Variants in PLEKHG7 observed in about 807,000 individuals in gnomAD.
PLEKHG7 encodes pleckstrin homology domain-containing family G member 7.
In PLEKHG7, 77 loss-of-function variants were observed where a neutral mutation model predicts 85.2. The observed-to-expected ratio is 0.90, with a 90% CI of 0.75 to 1.09. The LOEUF (loss-of-function observed/expected upper bound fraction) is 1.09. Ranked by LOEUF, PLEKHG7 falls within the 50% of genes least tolerant of loss-of-function variation. The probability of loss-of-function intolerance (pLI) is 0.00; values close to 1 mark genes in which losing one functional copy is unlikely to be tolerated. For synonymous variants in PLEKHG7, 301 were observed against 302.4 expected, an observed-to-expected ratio of 1.00 and a Z score of 0.05; for missense variants, 777 against 804.3, an observed-to-expected ratio of 0.97 and a Z score of 0.41.
chr12:92,769,979 T>G, intron 16 of PLEKHG7, 109 bp from the exon 17 acceptor site: 1 of 679,836 alleles, frequency 1.5e-6, no homozygotes, highest in Non-Finnish European at 2.5e-6. Context: ...TCTTCAGTTT[T>G]AAAGAGCTGG....
chr12:92,737,701 GAA>G (rs1459760596), intron 7 of PLEKHG7, among the ~76,000 whole-genome samples, 180 bp downstream of exon 7: 2 of 141,970 alleles, frequency 1.4e-5, no homozygotes, highest in African/African-American at 5.2e-5. Flanking sequence ...GAAAAAGAGA[GAA>G]AGAGAAGAAG....
chr12:92,734,726 G>A (rs902606653), intron 5 of PLEKHG7, among the ~76,000 whole-genome samples: 1 of 152,088 alleles, frequency 6.6e-6, no homozygotes, highest in African/African-American at 2.4e-5. Context: ...TCATTGATTT[G>A]TCAACCACTC....
At chr12:92,716,347 C>T (rs1012629484) in intron 3 of PLEKHG7, among the ~76,000 whole-genome samples, 1 of 152,192 alleles carries the variant, frequency 6.6e-6, no homozygotes, top group African/African-American at 2.4e-5. Flanking sequence ...GTCCACCCTC[C>T]TTGGCCTCCC....
At position 92,769,111 on chromosome 12, in the gene PLEKHG7, T is replaced by A. The variant is rs768014285; in HGVS notation, c.1968+31T>A. ...TATTTTAATTTTGTAGGTCTTTGAT[T>A]CTTCAGAGTTTACATAAGCTCCCCC... On this transcript the variant is annotated intron_variant, in intron 16 of 16. Transcript: ENST00000344636. The A allele has an allele frequency of 1.5e-5, 22 of 1,454,268 alleles. 1 individual carries two copies. Among genetic ancestry groups the A allele is most frequent in the Non-Finnish European group, 2.0e-5 (21 of 1,047,800 alleles). 90.1% of individuals were successfully genotyped at this position (1,454,268 alleles called of 1,614,324 possible).
intron 16 of PLEKHG7, 21 bp from the exon 17 acceptor site, chr12:92,770,066 AT>A (rs754341655): frequency 1.4e-5 from 21 of 1,463,574 alleles, no homozygotes; most frequent in Non-Finnish European, 1.9e-5. Flanking sequence ...CTATTTATGT[AT>A]TTTTTTCTTT....
At chr12:92,764,804 A>G (rs879261048) in intron 15 of PLEKHG7, among the ~76,000 whole-genome samples, 5 of 152,192 alleles carry the variant, frequency 3.3e-5, no homozygotes, top group Non-Finnish European at 7.3e-5. Flanking sequence ...AAGATGAATA[A>G]GAAACAGCCG....
intron 3 of PLEKHG7, among the ~76,000 whole-genome samples, chr12:92,719,001 G>A (rs1046011165): frequency 3.3e-5 from 5 of 152,110 alleles, no homozygotes; most frequent in African/African-American, 9.7e-5. Flanking sequence ...ATGAGAAATC[G>A]CCATCATAGT....
At position 92,741,485 on chromosome 12, in the gene PLEKHG7, C is replaced by T. The variant is rs1218250999; in HGVS notation, c.1036-6C>T. On this transcript the variant is annotated splice_region_variant and splice_polypyrimidine_tract_variant and intron_variant, in intron 8 of 16. Transcript: ENST00000344636. Reference sequence around the variant, plus strand: ...CTATTTTTGTTTTCTTTCTCTCTGTCCCTAGACAAGCCTTGGTTTTGTGAA... The same window carrying T: ...CTATTTTTGTTTTCTTTCTCTCTGTTCCTAGACAAGCCTTGGTTTTGTGAA... The T allele has an allele frequency of 6.2e-7, 1 of 1,602,092 alleles. No individual in the cohort carries two copies. Among genetic ancestry groups the T allele is most frequent in the Non-Finnish European group, 8.5e-7 (1 of 1,173,888 alleles).
intron 5 of PLEKHG7, among the ~76,000 whole-genome samples, chr12:92,734,214 A>G (rs547168373): frequency 1.3e-5 from 2 of 152,146 alleles, no homozygotes; most frequent in Non-Finnish European, 2.9e-5. Context: ...CAATATAACA[A>G]ACATACTTCT....
At chr12:92,733,679 C>A (rs903676822) in intron 5 of PLEKHG7, among the ~76,000 whole-genome samples, 1 of 152,118 alleles carries the variant, frequency 6.6e-6, no homozygotes, top group Non-Finnish European at 1.5e-5. Flanking sequence ...CATCTCCCCC[C>A]TAGCCCTCCC....
chr12:92,754,365 A>C, intron 11 of PLEKHG7, 101 bp downstream of exon 11: 2 of 1,150,302 alleles, frequency 1.7e-6, no homozygotes, highest in Non-Finnish European at 2.5e-6. Context: ...CACTGATTTG[A>C]GGTCATGGCT....
In PLEKHG7 at chr12:92,756,278, TTTCTCGC is replaced by T; in HGVS notation, c.1543-17_1543-11del. ...CAATCACTAACAACATCTCTTTTAT[TTTCTCGC>T]TTGTTTTACAAGTGTTTGAAACACA... is the stretch of plus-strand genomic sequence containing the variant. On this transcript the variant is annotated splice_polypyrimidine_tract_variant and intron_variant, in intron 12 of 16. Coordinates refer to ENST00000344636, the MANE Select transcript of PLEKHG7 (RefSeq NM_001377329.1). 6.4e-7 allele frequency: 1 copy of T among 1,551,738 alleles called. No homozygotes were observed. The highest frequency in any genetic ancestry group is 8.9e-7 in the Non-Finnish European group (1 of 1,124,908).
chr12:92,740,886 C>T lies in PLEKHG7; in HGVS notation c.973C>T (p.His325Tyr). The part of the protein sequence containing the change: ...FMNTLRYLQT[H>Y]EYLLDVDLWR... ...GAATACACTAAGATATCTGCAAACT[C>T]ATGAATATCTCCTAGATGTGGATTT... Residue 325 changes from histidine to tyrosine, a missense_variant, in exon 8 of 17, where the codon CAT (histidine) becomes TAT (tyrosine). Around this residue, in one of 3 missense-constraint regions of PLEKHG7, gnomAD observed 520 missense variants for 544.0 expected, o/e 0.96. Coordinates refer to ENST00000344636, the MANE Select transcript of PLEKHG7 (RefSeq NM_001377329.1). The T allele has an allele frequency of 6.2e-7, 1 of 1,611,170 alleles. No homozygotes were observed. Among genetic ancestry groups the T allele is most frequent in the Non-Finnish European group, 8.5e-7 (1 of 1,178,108 alleles).
chr12:92,716,911 C>T (rs1871506221), intron 3 of PLEKHG7, among the ~76,000 whole-genome samples: 1 of 152,198 alleles, frequency 6.6e-6, no homozygotes, highest in African/African-American at 2.4e-5. Flanking sequence ...GGCAGGTTGG[C>T]AGGCTTCTTG....
At chr12:92,717,401 T>C (rs1871521342) in intron 3 of PLEKHG7, among the ~76,000 whole-genome samples, 2 of 152,222 alleles carry the variant, frequency 1.3e-5, no homozygotes, top group Admixed American at 1.3e-4. Flanking sequence ...TAAAATCTAC[T>C]GGAGTCAAAC....
intron 3 of PLEKHG7, among the ~76,000 whole-genome samples, chr12:92,717,959 C>T (rs1412531783): frequency 6.6e-6 from 1 of 152,196 alleles, no homozygotes; most frequent in Admixed American, 6.5e-5. Context: ...CATTCAGCAC[C>T]TCCCACATGT....
chr12:92,745,538 A>T lies in PLEKHG7; in HGVS notation c.1198A>T (p.Ile400Phe). 1 of 1,614,014 alleles carries T rather than the reference A, an allele frequency of 6.2e-7. No individual in the cohort carries two copies. Among genetic ancestry groups the T allele is most frequent in the Non-Finnish European group, 8.5e-7 (1 of 1,179,904 alleles). The stretch of plus-strand genomic sequence containing the variant: ...CTACTGCCTGAACTATTCAGCTGCT[A>T]TCTTTTATCTTGAGAGCCTGAGGCA... ...QTYCLNYSAA[I>F]FYLESLRQRD... The change falls in exon 10 of 17, where the codon ATC becomes TTC. Residue 400 changes from isoleucine to phenylalanine, a missense_variant. Ile to Phe is a conservative substitution (Grantham distance 21, BLOSUM62 0). Transcript: ENST00000344636.
intron 3 of PLEKHG7, among the ~76,000 whole-genome samples, chr12:92,723,166 G>T (rs1040560244): frequency 3.3e-5 from 5 of 152,222 alleles, no homozygotes; most frequent in African/African-American, 1.2e-4. Flanking sequence ...GCTATTCTTG[G>T]AGTACACATT....
chr12:92,768,221 AAG>A (rs1228580277), intron 15 of PLEKHG7, among the ~76,000 whole-genome samples: 1 of 152,050 alleles, frequency 6.6e-6, no homozygotes, highest in Non-Finnish European at 1.5e-5. Context: ...AAAAAAAAAA[AAG>A]AGAGAAAAAA....
Sources: gnomAD v4.1 joint callset for allele counts (sites outside exome capture counted in the v4.1 genomes callset) on GRCh38, gnomAD v4.1.1 for gene constraint, gnomAD v4.1.1 regional missense constraint, MANE v1.5 for transcripts, NCBI Gene and HGNC (gene_info 2026-07-23, HGNC 2026-07-21) for gene names.